EFCAB5: variants seen among roughly 807,000 people sequenced by gnomAD.
The protein encoded by EFCAB5 is EF-hand calcium binding domain 5, also known as EF-hand calcium-binding domain-containing protein 5.
EFCAB5 carries 131 observed loss-of-function variants against 167.9 expected under a neutral mutation model. The ratio of observed to expected loss-of-function variants is 0.78; its 90% CI spans 0.68 to 0.90. The LOEUF is 0.90. Among genes scored for constraint, EFCAB5 ranks in the 40% least tolerant of loss-of-function variants. The pLI is 0.00. For missense variants in EFCAB5, 1,663 were observed against 1,745.2 expected (o/e 0.95, Z 0.84); for synonymous variants, 574 against 602.8 (o/e 0.95, Z 0.70).
At chr17:30,078,162 C>G (rs562508987) in intron 14 of EFCAB5, 53 bp from the exon 15 acceptor site, 47 of 1,527,576 alleles carry the variant, frequency 3.1e-5, no homozygotes, top group Non-Finnish European at 3.5e-5. Context: ...AAATCCCCCC[C>G]ACCAATGAGT....
chr17:29,946,429 CTTTTTTTTT>C (rs58247381), intron 3 of EFCAB5, among the ~76,000 whole-genome samples: 3 of 85,442 alleles, frequency 3.5e-5, no homozygotes, highest in Non-Finnish European at 6.4e-5. Flanking sequence ...ATGGAAATTT[CTTTTTTTTT>C]TTTTTTTTTT....
At chr17:30,023,516 C>A (rs1448783227) in intron 7 of EFCAB5, among the ~76,000 whole-genome samples, 1 of 152,050 alleles carries the variant, frequency 6.6e-6, no homozygotes, top group Non-Finnish European at 1.5e-5. Flanking sequence ...CAATAACAGG[C>A]TCTGAAATTG....
chr17:30,007,112 TTTG>T (rs943385079), intron 7 of EFCAB5, among the ~76,000 whole-genome samples: 2 of 152,230 alleles, frequency 1.3e-5, no homozygotes, highest in African/African-American at 2.4e-5. Flanking sequence ...AACAGTCTTT[TTTG>T]TTGTTGTTTT....
intron 7 of EFCAB5, among the ~76,000 whole-genome samples, chr17:30,021,445 T>G (rs1024361590): frequency 4.6e-4 from 68 of 147,862 alleles, no homozygotes; most frequent in African/African-American, 1.6e-3. Context: ...TATTAAATAT[T>G]TATATATAAA....
rs906468665 is a variant in EFCAB5, at chr17:30,027,293, C to CTTT, written c.1045-6913_1045-6911dup. ...AGCCACCATGCCCAGCCACACCAGTCTTTTTTTTTTTTTTTTTTTTTTTTT... is the reference window on the plus strand; with the variant it reads ...AGCCACCATGCCCAGCCACACCAGTCTTTTTTTTTTTTTTTTTTTTTTTTTTTT... On this transcript the variant is annotated intron_variant, in intron 7 of 22. Transcript: ENST00000394835. Among the ~76,000 whole-genome samples the CTTT allele has an allele frequency of 7.7e-4, 52 of 67,352 alleles. 1 individual carries two copies. The highest frequency in any genetic ancestry group is 2.7e-3 in the African/African-American group (48 of 17,522). The allele number at this position is 67,352 out of a possible 152,430, so 44.2% of individuals were successfully genotyped here.
At chr17:30,094,394 G>A (rs1314445721) in intron 22 of EFCAB5, among the ~76,000 whole-genome samples, 2 of 151,508 alleles carry the variant, frequency 1.3e-5, no homozygotes, top group Non-Finnish European at 2.9e-5. Context: ...TTTTTGGCCA[G>A]GCACAGTGAC....
At chr17:29,930,072 C>T (rs930382144) in intron 1 of EFCAB5, 4 of 140,694 alleles carry the variant, frequency 2.8e-5, no homozygotes, top group African/African-American at 5.8e-5. Flanking sequence ...GTGACGGAGC[C>T]GGGATGGGGA....
intron 9 of EFCAB5, among the ~76,000 whole-genome samples, chr17:30,051,877 A>G (rs1243688957): frequency 6.6e-6 from 1 of 152,212 alleles, no homozygotes; most frequent in Non-Finnish European, 1.5e-5. Flanking sequence ...GTATAAGAAC[A>G]GTATTTCCTT....
chr17:29,947,351 G>A (rs779687392), intron 3 of EFCAB5, among the ~76,000 whole-genome samples: 6 of 152,056 alleles, frequency 3.9e-5, no homozygotes, highest in Non-Finnish European at 7.4e-5. Flanking sequence ...ACTTAGAAGT[G>A]GGAGCTAAGC....
intron 7 of EFCAB5, among the ~76,000 whole-genome samples, chr17:30,024,839 T>G (rs1188145969): frequency 6.6e-6 from 1 of 152,052 alleles, no homozygotes. Context: ...AACAGAGATA[T>G]AGATCAATGG....
At position 30,054,587 on chromosome 17, in the gene EFCAB5, G is replaced by A. The variant is rs200680828; in HGVS notation, c.2194+439G>A. The stretch of plus-strand genomic sequence containing the variant: ...CTGAAAGTCATATTCAAGACAGAAC[G>A]CACCCTGCATTTCAAATATTTATTC... On this transcript the variant is annotated intron_variant, in intron 10 of 22. Coordinates refer to ENST00000394835, the MANE Select transcript of EFCAB5 (RefSeq NM_198529.4). Among the ~76,000 whole-genome samples, 11 of 152,168 alleles carry A rather than the reference G, an allele frequency of 7.2e-5. No homozygotes were observed. The East Asian group carries it at 1.7e-3, about 24-fold the overall frequency.
chr17:30,069,579 T>C, intron 14 of EFCAB5: 1 of 1,613,350 alleles, frequency 6.2e-7, no homozygotes, highest in Non-Finnish European at 8.5e-7. Flanking sequence ...TGGATCCTCT[T>C]CTTCCTCGTG....
intron 22 of EFCAB5, among the ~76,000 whole-genome samples, chr17:30,104,421 G>T (rs1388915027): frequency 1.3e-5 from 2 of 152,060 alleles, no homozygotes; most frequent in Non-Finnish European, 1.5e-5. Context: ...TTAAAAGTTT[G>T]ATTAAACTAG....
At chr17:30,050,837 G>A (rs1040382156) in intron 8 of EFCAB5, among the ~76,000 whole-genome samples, 4 of 152,148 alleles carry the variant, frequency 2.6e-5, no homozygotes, top group Non-Finnish European at 5.9e-5. Context: ...GATAAGTACT[G>A]AACATTATAC....
intron 3 of EFCAB5, among the ~76,000 whole-genome samples, chr17:29,955,349 G>A (rs549844274): frequency 1.8e-4 from 28 of 152,152 alleles, no homozygotes; most frequent in Non-Finnish European, 2.8e-4. Flanking sequence ...ATAGGGGTGG[G>A]TCTTTTCCAT....
chr17:29,968,907 G>T lies in EFCAB5; in HGVS notation c.307G>T (p.Glu103Ter). The change falls in exon 4 of 23, where the codon GAA (glutamate) becomes TAA (stop). Residue 103 changes from glutamate to a stop codon, truncating the protein, a stop_gained. Coordinates refer to ENST00000394835, the MANE Select transcript of EFCAB5 (RefSeq NM_198529.4). LOFTEE classifies it high-confidence loss of function. Reference sequence around the variant, plus strand: ...TGCAAAAGTGATTTTTGCTTTAGATGAAACTGAACTGAAATCAAAGCCAGA... The same window carrying T: ...TGCAAAAGTGATTTTTGCTTTAGATTAAACTGAACTGAAATCAAAGCCAGA... Reference protein sequence around the residue: ...KSAKVIFALDETELKSKPEHT... With the variant: ...KSAKVIFALD The T allele has an allele frequency of 1.3e-6, 2 of 1,575,140 alleles. No individual in the cohort carries two copies. Among genetic ancestry groups the T allele is most frequent in the Non-Finnish European group, 1.7e-6 (2 of 1,159,536 alleles).
At position 30,107,437 on chromosome 17, in the gene EFCAB5, A is replaced by G. The variant is rs370247857; in HGVS notation, c.4322-397A>G. ...CTCGTCTTTCCCTAGAGATAATACT[A>G]TCATGAATTTGGTATTGGTTTCATG... On this transcript the variant is annotated intron_variant, in intron 22 of 22. Transcript: ENST00000394835. Among the ~76,000 whole-genome samples, 5 of 152,304 alleles carry G rather than the reference A, an allele frequency of 3.3e-5. No homozygotes were observed. The East Asian group carries it at 7.7e-4, about 24-fold the overall frequency.
chr17:30,064,364 T>C (rs1258260455), intron 14 of EFCAB5, among the ~76,000 whole-genome samples: 1 of 152,030 alleles, frequency 6.6e-6, no homozygotes, highest in Non-Finnish European at 1.5e-5. Context: ...AAGAATTCAA[T>C]GAATGAAATA....
chr17:30,058,911 T>G (rs1365467668), intron 13 of EFCAB5: 1 of 151,702 alleles, frequency 6.6e-6, no homozygotes, highest in Non-Finnish European at 1.5e-5. Context: ...TCTGTGTATT[T>G]ATCACATTCC....
Sources: gnomAD v4.1 joint callset for allele counts (sites outside exome capture counted in the v4.1 genomes callset) on GRCh38, gnomAD v4.1.1 for gene constraint, MANE v1.5 for transcripts, NCBI Gene and HGNC (gene_info 2026-07-23, HGNC 2026-07-21) for gene names.